The following DENND11 variants were observed in gnomAD, a reference collection of about 807,000 sequenced individuals.
DENND11 encodes the protein DENN domain containing 11.
In DENND11, 34 loss-of-function variants were observed where a neutral mutation model predicts 49.2. The ratio of observed to expected loss-of-function variants is 0.69; its 90% CI spans 0.53 to 0.92. The LOEUF (loss-of-function observed/expected upper bound fraction) is 0.92, where lower values mean the gene tolerates loss of function less well. Among genes scored for constraint, DENND11 ranks in the 40% least tolerant of loss-of-function variants. The probability of loss-of-function intolerance (pLI) is 0.00; values close to 1 mark genes in which losing one functional copy is unlikely to be tolerated. For synonymous variants in DENND11, 238 were observed against 230.3 expected (o/e 1.03, Z -0.30); for missense variants, 475 against 581.6 (o/e 0.82, Z 1.88).
intron 3 of DENND11, among the ~76,000 whole-genome samples, chr7:141,684,086 C>G (rs1029483370): frequency 6.6e-6 from 1 of 152,108 alleles, no homozygotes; most frequent in Non-Finnish European, 1.5e-5. Context: ...CACCACCATG[C>G]CTGGCTAATT....
chr7:141,666,718 C>A (rs1267442714), intron 4 of DENND11, among the ~76,000 whole-genome samples: 4 of 152,046 alleles, frequency 2.6e-5, no homozygotes, highest in Admixed American at 1.3e-4. Flanking sequence ...TTTAAAAAAA[C>A]CAGAATAAAA....
chr7:141,672,011 G>A (rs1797989422), intron 4 of DENND11, among the ~76,000 whole-genome samples: 1 of 152,232 alleles, frequency 6.6e-6, no homozygotes, highest in Non-Finnish European at 1.5e-5. Context: ...GCTCCAGCTA[G>A]TATTTCTCCA....
chr7:141,686,599 A>C lies in DENND11; in HGVS notation c.328T>G (p.Ser110Ala). The change falls in exon 2 of 9, where the codon TCT becomes GCT. Residue 110 changes from serine to alanine, a missense_variant. By Grantham distance (99) the Ser-to-Ala change is moderately conservative. Transcript: ENST00000536163. ...ATTTTATGGGACCCACTGGCCATAG[A>C]CTTGAACTCAACACCTTCAAGGTCA... ...DIDLEGVEFK[S>A]MASGSHKIQS... 6.2e-7 allele frequency: 1 copy of C among 1,613,370 alleles called. No homozygotes were observed. Among genetic ancestry groups the C allele is most frequent in the Non-Finnish European group, 8.5e-7 (1 of 1,179,494 alleles).
intron 3 of DENND11, among the ~76,000 whole-genome samples, chr7:141,685,029 A>AAAAATAT (rs1305276426): frequency 5.9e-4 from 54 of 91,532 alleles, no homozygotes; most frequent in Non-Finnish European, 8.7e-4. Context: ...AAAAAAAAAA[A>AAAAATAT]ATATATATAT....
At position 141,677,400 on chromosome 7, in the gene DENND11, AAAAT is replaced by A. The variant is rs201443252; in HGVS notation, c.528-3184_528-3181del. Among the ~76,000 whole-genome samples, 186 of 75,158 alleles carry A rather than the reference AAAAT, an allele frequency of 2.5e-3. 2 individuals carry two copies. In the East Asian group the frequency reaches 0.1, roughly 42 times the overall value. The allele number at this position is 75,158 out of a possible 152,430, so 49.3% of individuals were successfully genotyped here. Reference sequence around the variant, plus strand: ...GCGAGACTCTTGTCTCAAAAAAAAAAAAATATATATATATATATATATACACATA... The same window carrying A: ...GCGAGACTCTTGTCTCAAAAAAAAAAATATATATATATATATATACACATA... On this transcript the variant is annotated intron_variant, in intron 3 of 8. Coordinates refer to ENST00000536163, the MANE Select transcript of DENND11 (RefSeq NM_001080392.2).
chr7:141,674,384 T>A (rs1798034116), intron 3 of DENND11, among the ~76,000 whole-genome samples, 164 bp from the exon 4 acceptor site: 1 of 152,148 alleles, frequency 6.6e-6, no homozygotes, highest in South Asian at 2.1e-4. Flanking sequence ...GTTGCTTAGG[T>A]CACCTCCTTT....
intron 3 of DENND11, among the ~76,000 whole-genome samples, chr7:141,674,911 T>C (rs1331264324): frequency 6.6e-6 from 1 of 151,962 alleles, no homozygotes; most frequent in East Asian, 1.9e-4. Context: ...ATTTCAACAG[T>C]GGAGAATCCT....
At chr7:141,681,236 G>C (rs1034449728) in intron 3 of DENND11, among the ~76,000 whole-genome samples, 1 of 152,190 alleles carries the variant, frequency 6.6e-6, no homozygotes. Flanking sequence ...GTGAGCTACT[G>C]TAAGAATAAG....
chr7:141,662,514 T>C lies in DENND11; in HGVS notation c.*142A>G. ...CTAGGGAAAAGGGCAGAAAGGAAAT[T>C]GCAAAAATTATGTTTGTTGGAAAGT... On this transcript the variant is annotated 3_prime_UTR_variant, in exon 9 of 9. Transcript: ENST00000536163. The C allele has an allele frequency of 1.9e-6, 1 of 526,734 alleles. No individual in the cohort carries two copies. Among genetic ancestry groups the C allele is most frequent in the South Asian group, 4.9e-5 (1 of 20,282 alleles). 32.6% of individuals were successfully genotyped at this position (526,734 alleles called of 1,614,324 possible). A position where few individuals can be genotyped will look rare whatever the true frequency, so the allele number is the denominator to read the frequency against.
rs1797792210 is a variant in DENND11, at chr7:141,661,478, G to A, written c.*1178C>T. The A allele has an allele frequency of 2.0e-5, 3 of 152,200 alleles. No individual in the cohort carries two copies. The highest frequency in any genetic ancestry group is 4.4e-5 in the Non-Finnish European group (3 of 68,074). The allele number at this position is 152,200 out of a possible 1,614,324, so 9.4% of individuals were successfully genotyped here. ...CTCAGGGCTTCCTGACCACTGTCCC[G>A]GGTGAAGGCACTGCCACATTTTCTC... On this transcript the variant is annotated 3_prime_UTR_variant, in exon 9 of 9. Coordinates refer to ENST00000536163, the MANE Select transcript of DENND11 (RefSeq NM_001080392.2).
At position 141,686,022 on chromosome 7, in the gene DENND11, G is replaced by C. The variant is rs1167855309; in HGVS notation, c.369-386C>G. Among the ~76,000 whole-genome samples, 4 of 152,188 alleles carry C rather than the reference G, an allele frequency of 2.6e-5. No homozygotes were observed. In the East Asian group the frequency reaches 7.7e-4, roughly 29 times the overall value. On this transcript the variant is annotated intron_variant, in intron 2 of 8. Coordinates refer to ENST00000536163, the MANE Select transcript of DENND11 (RefSeq NM_001080392.2). ...AGTGATTCTTCCCTTACTTCCTGAG[G>C]CTCTGATATTTTTCACTGAGCTGCC...
At chr7:141,694,673 C>T (rs1306222308) in intron 1 of DENND11, among the ~76,000 whole-genome samples, 1 of 152,158 alleles carries the variant, frequency 6.6e-6, no homozygotes, top group African/African-American at 2.4e-5. Context: ...ACAGTCAGTT[C>T]TGCTATAATG....
intron 3 of DENND11, 110 bp from the exon 4 acceptor site, chr7:141,674,330 C>T: frequency 7.1e-7 from 1 of 1,413,758 alleles, no homozygotes; most frequent in Non-Finnish European, 9.2e-7. Flanking sequence ...CTGTAACACT[C>T]AGGGGCAAAG....
At chr7:141,669,570 T>G (rs1797945968) in intron 4 of DENND11, among the ~76,000 whole-genome samples, 1 of 152,050 alleles carries the variant, frequency 6.6e-6, no homozygotes, top group East Asian at 1.9e-4. Flanking sequence ...ATACGTGTGT[T>G]CATGTTGTAA....
chr7:141,689,896 C>T (rs554200266), intron 1 of DENND11, among the ~76,000 whole-genome samples: 1 of 152,324 alleles, frequency 6.6e-6, no homozygotes, highest in East Asian at 1.9e-4. Flanking sequence ...TAGCAGTTTA[C>T]CTGCTTAACT....
intron 3 of DENND11, among the ~76,000 whole-genome samples, chr7:141,675,985 G>A (rs1798055697): frequency 6.6e-6 from 1 of 152,180 alleles, no homozygotes; most frequent in Non-Finnish European, 1.5e-5. Flanking sequence ...AAATGTTCAT[G>A]AGCTAGACAG....
rs561442966 is a variant in DENND11, at chr7:141,660,170, G to C, written c.*2486C>G. On this transcript the variant is annotated 3_prime_UTR_variant, in exon 9 of 9. Transcript: ENST00000536163. Reference sequence around the variant, plus strand: ...AGGTAACTGAAGAGATAAAGCACACGCTGTTCAGCCAAGCAGAGGCTCTGC... The same window carrying C: ...AGGTAACTGAAGAGATAAAGCACACCCTGTTCAGCCAAGCAGAGGCTCTGC... 1 of 152,344 alleles carries C rather than the reference G, an allele frequency of 6.6e-6. No homozygotes were observed. The highest frequency in any genetic ancestry group is 6.5e-5 in the Admixed American group (1 of 15,302). The allele number at this position is 152,344 out of a possible 1,614,324, so 9.4% of individuals were successfully genotyped here. A position where few individuals can be genotyped will look rare whatever the true frequency, so the allele number is the denominator to read the frequency against.
chr7:141,693,204 G>A (rs1798353374), intron 1 of DENND11, among the ~76,000 whole-genome samples: 1 of 152,178 alleles, frequency 6.6e-6, no homozygotes. Context: ...TAAAAGATCT[G>A]AACAGACAAC....
intron 1 of DENND11, among the ~76,000 whole-genome samples, chr7:141,693,637 A>G (rs1265548556): frequency 1.3e-5 from 2 of 152,244 alleles, no homozygotes; most frequent in African/African-American, 4.8e-5. Flanking sequence ...TGAGATATCC[A>G]TACAAGGAAA....
Sources: gnomAD v4.1 joint callset for allele counts (sites outside exome capture counted in the v4.1 genomes callset) on GRCh38, gnomAD v4.1.1 for gene constraint, MANE v1.5 for transcripts, NCBI Gene and HGNC (gene_info 2026-07-23, HGNC 2026-07-21) for gene names.